Variants in CTH observed in about 807,000 individuals in gnomAD.
CTH encodes the protein cystathionase (cystathionine gamma-lyase).
A neutral mutation model predicts 50.6 loss-of-function variants in CTH; 41 were observed. The observed-to-expected ratio is 0.81, with a 90% CI of 0.63 to 1.05. CTH has a LOEUF of 1.05. Ranked by LOEUF, CTH falls within the 50% of genes least tolerant of loss-of-function variation. The pLI is 0.00. For synonymous variants in CTH, 156 were observed against 168.9 expected (o/e 0.92, Z 0.59); for missense variants, 470 against 492.6 (o/e 0.95, Z 0.43).
intron 10 of CTH, among the ~76,000 whole-genome samples, chr1:70,435,672 A>G (rs1042388738): frequency 6.6e-6 from 1 of 151,928 alleles, no homozygotes; most frequent in African/African-American, 2.4e-5. Context: ...TAATGTCTTC[A>G]TGTTGTGTAC....
chr1:70,411,413 A>G lies in CTH; in HGVS notation c.-3A>G, dbSNP rs757363405. ...TTCCTCTCTTCTTCTTTCGCGGTTCAGCATGCAGGAAAAAGACGCCTCCTC... is the reference window on the plus strand; with the variant it reads ...TTCCTCTCTTCTTCTTTCGCGGTTCGGCATGCAGGAAAAAGACGCCTCCTC... On this transcript the variant is annotated 5_prime_UTR_variant, in exon 1 of 12. Transcript: ENST00000370938. The G allele has an allele frequency of 6.2e-6, 10 of 1,613,916 alleles. No individual in the cohort carries two copies. Among genetic ancestry groups the G allele is most frequent in the Non-Finnish European group, 8.5e-6 (10 of 1,179,902 alleles).
chr1:70,424,550 G>A lies in CTH; in HGVS notation c.588+134G>A, dbSNP rs113122584. 343 of 1,454,720 alleles carry A rather than the reference G, an allele frequency of 2.4e-4. 1 individual carries two copies. In the African/African-American group the frequency reaches 3.8e-3, roughly 16 times the overall value. The allele number at this position is 1,454,720 out of a possible 1,614,324, so 90.1% of individuals were successfully genotyped here. On this transcript the variant is annotated intron_variant, in intron 5 of 11. Transcript: ENST00000370938. ...ATCATAATTAATTATTTACTGGATC[G>A]AGAATTAAATTTGGACCTCTTCTAC... is the stretch of plus-strand genomic sequence containing the variant.
In CTH at chr1:70,424,379, T is replaced by G. The variant is rs1684298524; in HGVS notation, c.551T>G (p.Leu184Trp). The change falls in exon 5 of 12, where the codon TTG (leucine) becomes TGG (tryptophan). Residue 184 changes from leucine (L) to tryptophan (W), a missense_variant. Leu to Trp is a moderately conservative substitution (Grantham distance 61). Coordinates refer to ENST00000370938, the MANE Select transcript of CTH (RefSeq NM_001902.6). ...GTCCATAAGCATGGAGACATTATTT[T>G]GGTCGTGGATAACACTTTTATGTCA... Reference protein sequence around the residue: ...HIVHKHGDIILVVDNTFMSPY... With the variant: ...HIVHKHGDIIWVVDNTFMSPY... The G allele has an allele frequency of 1.2e-5, 20 of 1,614,168 alleles. No homozygotes were observed. The highest frequency in any genetic ancestry group is 1.7e-5 in the Non-Finnish European group (20 of 1,180,004).
Position 70,429,864 on chromosome 1 carries a change from C to A in CTH, c.646+13C>A. ...AAATACATGAATGGTAAGATGCATA[C>A]TTTGAATGTTCTTTTTCATGGATAG... On this transcript the variant is annotated intron_variant, in intron 6 of 11. Coordinates refer to ENST00000370938, the MANE Select transcript of CTH (RefSeq NM_001902.6). The A allele has an allele frequency of 1.9e-6, 3 of 1,590,466 alleles. No individual in the cohort carries two copies. The highest frequency in any genetic ancestry group is 2.6e-6 in the Non-Finnish European group (3 of 1,158,808).
intron 7 of CTH, 70 bp from the exon 8 acceptor site, chr1:70,432,013 A>G: frequency 1.3e-6 from 2 of 1,548,542 alleles, no homozygotes; most frequent in Non-Finnish European, 1.8e-6. Context: ...CTGTAATGGA[A>G]AAGAGAAGCC....
chr1:70,414,383 G>A (rs901795287), intron 1 of CTH, among the ~76,000 whole-genome samples: 8 of 151,874 alleles, frequency 5.3e-5, no homozygotes, highest in Admixed American at 2.6e-4. Context: ...GTGTGGTGGC[G>A]TGCCTGTAGT....
intron 10 of CTH, among the ~76,000 whole-genome samples, chr1:70,438,368 G>A (rs1373550129): frequency 6.6e-6 from 1 of 152,166 alleles, no homozygotes; most frequent in Non-Finnish European, 1.5e-5. Context: ...CATTTAGGCA[G>A]GTATTAAAAT....
chr1:70,411,658 T>C (rs755116564), intron 1 of CTH, 75 bp downstream of exon 1: 4 of 1,556,202 alleles, frequency 2.6e-6, no homozygotes, highest in Non-Finnish European at 3.5e-6. Flanking sequence ...GAAAGGCATG[T>C]AAGTAATTTA....
chr1:70,437,635 G>A (rs1351721647), intron 10 of CTH, among the ~76,000 whole-genome samples: 1 of 152,128 alleles, frequency 6.6e-6, no homozygotes, highest in African/African-American at 2.4e-5. Context: ...ACTCTTTTAA[G>A]GAATTACGAG....
intron 5 of CTH, among the ~76,000 whole-genome samples, chr1:70,425,858 C>T (rs1684335319): frequency 6.6e-6 from 1 of 152,170 alleles, no homozygotes; most frequent in African/African-American, 2.4e-5. Context: ...TCACCTCCCT[C>T]CAGGCCCCAC....
At chr1:70,422,117 T>C (rs116234835) in intron 4 of CTH, among the ~76,000 whole-genome samples, 1,584 of 152,276 alleles carry the variant, frequency 0.01, 24 homozygotes, top group African/African-American at 0.036. Flanking sequence ...AGAGTATTGG[T>C]AACAGAAGTC....
intron 2 of CTH, among the ~76,000 whole-genome samples, chr1:70,416,283 T>C (rs983734655): frequency 3.9e-5 from 6 of 152,224 alleles, no homozygotes; most frequent in African/African-American, 1.4e-4. Context: ...ATACTACATT[T>C]ATTAATACTA....
At chr1:70,435,247 G>A in intron 10 of CTH, 70 bp downstream of exon 10, 1 of 1,361,586 alleles carries the variant, frequency 7.3e-7, no homozygotes, top group Non-Finnish European at 1.0e-6. Context: ...AAAGAAATAT[G>A]ATAAGGTCAG....
chr1:70,421,856 G>T (rs1357105056), intron 4 of CTH, among the ~76,000 whole-genome samples, 181 bp downstream of exon 4: 1 of 152,180 alleles, frequency 6.6e-6, no homozygotes, highest in Non-Finnish European at 1.5e-5. Flanking sequence ...GGTAGTACAT[G>T]ATTTCTGGAG....
intron 10 of CTH, among the ~76,000 whole-genome samples, chr1:70,435,879 G>GT (rs148304406): frequency 0.013 from 1,907 of 152,296 alleles, 44 homozygotes; most frequent in African/African-American, 0.044. Context: ...ACACAGGAAC[G>GT]TGTTCGCAGC....
Position 70,439,789 on chromosome 1 carries a change from CA to C in CTH, c.*670del, listed in dbSNP as rs900229643. 2 of 151,524 alleles carry C rather than the reference CA, an allele frequency of 1.3e-5. No individual in the cohort carries two copies. Among genetic ancestry groups the C allele is most frequent in the African/African-American group, 2.4e-5 (1 of 41,332 alleles). The allele number at this position is 151,524 out of a possible 1,614,324, so 9.4% of individuals were successfully genotyped here. On this transcript the variant is annotated 3_prime_UTR_variant, in exon 12 of 12. Transcript: ENST00000370938. ...GAAACCCCCATCTCTACTAAAAATG[CA>C]AAAAAAATTAGACGGACGTGGTGGC...
intron 7 of CTH, chr1:70,431,190 A>G (rs1299964198): frequency 6.6e-6 from 1 of 152,150 alleles, no homozygotes; most frequent in Non-Finnish European, 1.5e-5. Flanking sequence ...AAAACAAAAA[A>G]CAAAAACGGT....
chr1:70,435,310 A>T, intron 10 of CTH, 133 bp downstream of exon 10: 1 of 840,858 alleles, frequency 1.2e-6, no homozygotes, highest in Non-Finnish European at 1.9e-6. Flanking sequence ...ATCAGAATGG[A>T]CTCTAACCCT....
intron 1 of CTH, among the ~76,000 whole-genome samples, chr1:70,415,681 T>C (rs1243055211): frequency 6.6e-6 from 1 of 152,224 alleles, no homozygotes; most frequent in East Asian, 1.9e-4. Flanking sequence ...TATTCCCATT[T>C]TACAGATATT....
Sources: allele counts gnomAD v4.1 joint callset (sites outside exome capture counted in the v4.1 genomes callset), GRCh38; gene constraint gnomAD v4.1.1; transcripts MANE v1.5; gene names NCBI Gene and HGNC (gene_info 2026-07-23, HGNC 2026-07-21).